The following YLPM1 variants were observed in gnomAD, a reference collection of about 807,000 sequenced individuals.
YLPM1 encodes YLP motif-containing protein 1.
In YLPM1, 99 loss-of-function variants were observed where a neutral mutation model predicts 230.0. The ratio of observed to expected loss-of-function variants is 0.43; its 90% CI spans 0.37 to 0.51. YLPM1 has a LOEUF of 0.51. YLPM1 is among the 20% of genes least tolerant of loss of function. The pLI, the probability that YLPM1 is intolerant of heterozygous loss-of-function variation, is 0.00. For missense variants in YLPM1, 2,592 were observed against 2,707.7 expected, an observed-to-expected ratio of 0.96 and a Z score of 0.95; for synonymous variants, 984 against 942.5, an observed-to-expected ratio of 1.04 and a Z score of -0.81.
chr14:74,830,374 A>G lies in YLPM1; in HGVS notation c.6294+1031A>G, dbSNP rs567475749. Among the ~76,000 whole-genome samples, 9 of 152,352 alleles carry G rather than the reference A, an allele frequency of 5.9e-5. No individual in the cohort carries two copies. The South Asian group carries it at 8.3e-4, about 14-fold the overall frequency. Reference sequence around the variant, plus strand: ...TTGAATTCGATAGTGATAGATGTGTATATCCTTTAAAACAAAATAAAGCAA... The same window carrying G: ...TTGAATTCGATAGTGATAGATGTGTGTATCCTTTAAAACAAAATAAAGCAA... On this transcript the variant is annotated intron_variant, in intron 19 of 20. Coordinates refer to ENST00000325680, the MANE Select transcript of YLPM1 (RefSeq NM_019589.3).
chr14:74,812,808 T>G, intron 11 of YLPM1, 26 bp downstream of exon 11: 1 of 1,604,510 alleles, frequency 6.2e-7, no homozygotes, highest in Non-Finnish European at 8.5e-7. Flanking sequence ...TTGATTCGTC[T>G]TCGTGCAAAC....
chr14:74,813,728 G>A (rs558413408), intron 11 of YLPM1, among the ~76,000 whole-genome samples: 1 of 152,254 alleles, frequency 6.6e-6, no homozygotes, highest in East Asian at 1.9e-4. Flanking sequence ...GTACCCTGTA[G>A]TAAAGTTATT....
intron 16 of YLPM1, among the ~76,000 whole-genome samples, chr14:74,819,270 G>A (rs933410879): frequency 1.4e-5 from 2 of 140,212 alleles, no homozygotes; most frequent in African/African-American, 5.3e-5. Context: ...TATTGTCATT[G>A]TGCTTTTTTT....
intron 19 of YLPM1, chr14:74,835,038 G>T: frequency 2.1e-6 from 1 of 481,264 alleles, no homozygotes; most frequent in South Asian, 3.7e-5. Context: ...ACAGGATTGA[G>T]CTGAACTGTT....
rs747207020 is a variant in YLPM1 at position 74,835,830 on chromosome 14, C to T, written c.*92C>T. On this transcript the variant is annotated 3_prime_UTR_variant, in exon 21 of 21. Transcript: ENST00000325680. ...GGCCTCGCGGAGCTTCTTTGTGTGT[C>T]ACCTTGCTTCCACGTTTCAGTTCTT... 4.4e-6 allele frequency: 2 copies of T among 456,706 alleles called. No individual in the cohort carries two copies. The highest frequency in any genetic ancestry group is 3.1e-5 in the South Asian group (2 of 64,540). 28.3% of individuals were successfully genotyped at this position (456,706 alleles called of 1,614,324 possible). A position where few individuals can be genotyped will look rare whatever the true frequency, so the allele number is the denominator to read the frequency against.
chr14:74,786,012 C>T (rs938933016), intron 4 of YLPM1, among the ~76,000 whole-genome samples: 6 of 151,782 alleles, frequency 4.0e-5, no homozygotes, highest in African/African-American at 9.7e-5. Flanking sequence ...CTTATTGAAA[C>T]GTAACAGAGA....
In YLPM1 at chr14:74,809,611, A is replaced by G. The variant is rs748585434; in HGVS notation, c.4753A>G (p.Thr1585Ala). 4 of 1,614,004 alleles carry G rather than the reference A, an allele frequency of 2.5e-6. No homozygotes were observed. The highest frequency in any genetic ancestry group is 3.4e-6 in the Non-Finnish European group (4 of 1,179,890). Reference protein sequence around the residue: ...DEDSFYGLWDTNDEQGLNSEF... With the variant: ...DEDSFYGLWDANDEQGLNSEF... The stretch of plus-strand genomic sequence containing the variant: ...AGATTCTTTCTATGGGCTCTGGGAT[A>G]CAAATGATGAACAAGGACTGAATTC... Residue 1585 changes from threonine to alanine, a missense_variant, in exon 7 of 21, where the codon ACA becomes GCA. By Grantham distance (58) the Thr-to-Ala change is moderately conservative. Coordinates refer to ENST00000325680, the MANE Select transcript of YLPM1 (RefSeq NM_019589.3).
chr14:74,810,021 T>C lies in YLPM1; in HGVS notation c.5032+19T>C. 6.4e-7 allele frequency: 1 copy of C among 1,574,214 alleles called. No individual in the cohort carries two copies. The highest frequency in any genetic ancestry group is 1.4e-5 in the African/African-American group (1 of 73,686). On this transcript the variant is annotated intron_variant, in intron 8 of 20. Transcript: ENST00000325680. ...GAGACAGGTAGGATTCCCAGAGAGG[T>C]CAGTATTTTTAAACATTTTAGGGCC...
At chr14:74,811,814 A>G in intron 10 of YLPM1, 76 bp downstream of exon 10, 1 of 1,065,054 alleles carries the variant, frequency 9.4e-7, no homozygotes, top group Non-Finnish European at 1.3e-6. Flanking sequence ...GTAGCTATGA[A>G]TTTAAACTTT....
chr14:74,779,758 T>A (rs1298076063), intron 2 of YLPM1, among the ~76,000 whole-genome samples: 2 of 148,456 alleles, frequency 1.3e-5, no homozygotes, highest in Non-Finnish European at 3.0e-5. Flanking sequence ...CCTCCTTGCC[T>A]CAGCCTTCCA....
At chr14:74,792,241 T>A (rs1427715747) in intron 4 of YLPM1, among the ~76,000 whole-genome samples, 1 of 152,196 alleles carries the variant, frequency 6.6e-6, no homozygotes, top group Non-Finnish European at 1.5e-5. Flanking sequence ...CTGCCAAGCC[T>A]TCACTACTTC....
At chr14:74,796,309 A>G (rs925797600) in intron 4 of YLPM1, among the ~76,000 whole-genome samples, 4 of 152,168 alleles carry the variant, frequency 2.6e-5, no homozygotes, top group Non-Finnish European at 5.9e-5. Context: ...TGCATTAGCC[A>G]TGCTAAACTA....
chr14:74,806,589 A>T (rs546915679), intron 6 of YLPM1, among the ~76,000 whole-genome samples: 3 of 152,360 alleles, frequency 2.0e-5, no homozygotes, highest in South Asian at 2.1e-4. Flanking sequence ...GTCTCAAAAA[A>T]ATATATAAAT....
At chr14:74,824,200 T>C in intron 17 of YLPM1, 56 bp from the exon 18 acceptor site, 1 of 1,544,336 alleles carries the variant, frequency 6.5e-7, no homozygotes, top group Non-Finnish European at 8.9e-7. Context: ...TCAAACGTGA[T>C]ATGCATGTAT....
At position 74,777,515 on chromosome 14, in the gene YLPM1, C is replaced by T. The variant is rs953024481; in HGVS notation, c.874-932C>T. ...CTGGGAGGTGGAGGTTGCAGTGAGC[C>T]GAGATCACACCACTGCACTCCAGCC... is the stretch of plus-strand genomic sequence containing the variant. On this transcript the variant is annotated intron_variant, in intron 1 of 20. Coordinates refer to ENST00000325680, the MANE Select transcript of YLPM1 (RefSeq NM_019589.3). Among the ~76,000 whole-genome samples the T allele has an allele frequency of 1.1e-4, 16 of 148,958 alleles. No homozygotes were observed. In the South Asian group the frequency reaches 2.4e-3, roughly 22 times the overall value.
chr14:74,828,843 T>C, intron 18 of YLPM1, among the ~76,000 whole-genome samples: 1 of 152,090 alleles, frequency 6.6e-6, no homozygotes, highest in Non-Finnish European at 1.5e-5. Flanking sequence ...AATATTGTGT[T>C]AAAGAAAAAA....
Position 74,829,119 on chromosome 14 carries a change from T to C in YLPM1, c.6164-94T>C, listed in dbSNP as rs2091588981. 3.3e-6 allele frequency: 5 copies of C among 1,500,234 alleles called. No individual in the cohort carries two copies. In the South Asian group the frequency reaches 6.3e-5, roughly 19 times the overall value. The allele number at this position is 1,500,234 out of a possible 1,614,324, so 92.9% of individuals were successfully genotyped here. On this transcript the variant is annotated intron_variant, in intron 18 of 20. Coordinates refer to ENST00000325680, the MANE Select transcript of YLPM1 (RefSeq NM_019589.3). ...TGCACTCAAAAATGTGGATATGCCC[T>C]CTGAAAGCGTTCCAGCCTTCTTTTC... is the stretch of plus-strand genomic sequence containing the variant.
At chr14:74,775,657 A>G (rs1349611518) in intron 1 of YLPM1, among the ~76,000 whole-genome samples, 1 of 152,256 alleles carries the variant, frequency 6.6e-6, no homozygotes, top group Non-Finnish European at 1.5e-5. Flanking sequence ...AAATGAAATC[A>G]TAGCCAAGTT....
intron 18 of YLPM1, chr14:74,827,683 C>T: frequency 1.0e-6 from 1 of 985,260 alleles, no homozygotes; most frequent in Non-Finnish European, 1.2e-6. Context: ...TTTGGAAATC[C>T]TTTGAGGTTT....
Sources: gnomAD v4.1 joint callset for allele counts (sites outside exome capture counted in the v4.1 genomes callset) on GRCh38, gnomAD v4.1.1 for gene constraint, MANE v1.5 for transcripts, NCBI Gene and HGNC (gene_info 2026-07-23, HGNC 2026-07-21) for gene names.